Variants in KHDRBS2 observed in about 807,000 individuals in gnomAD.
KHDRBS2 encodes KH domain-containing, RNA-binding, signal transduction-associated protein 2.
A neutral mutation model predicts 44.3 loss-of-function variants in KHDRBS2; 26 were observed. The ratio of observed to expected loss-of-function variants is 0.59; its 90% CI spans 0.43 to 0.81. The LOEUF (loss-of-function observed/expected upper bound fraction) is 0.81, where lower values mean the gene tolerates loss of function less well. KHDRBS2 is among the 40% of genes least tolerant of loss of function. KHDRBS2 has a pLI of 0.00. For synonymous variants in KHDRBS2, 194 were observed against 151.1 expected (o/e 1.28, Z -2.08); for missense variants, 476 against 433.1 (o/e 1.10, Z -0.88).
At chr6:61,845,879 C>A (rs1794338951) in intron 6 of KHDRBS2, among the ~76,000 whole-genome samples, 1 of 152,162 alleles carries the variant, frequency 6.6e-6, no homozygotes, top group Non-Finnish European at 1.5e-5. Context: ...CAAATCTCAT[C>A]CTGAATGTTG....
intron 6 of KHDRBS2, among the ~76,000 whole-genome samples, chr6:61,748,993 TTTTC>T (rs1241469099): frequency 1.9e-4 from 28 of 148,264 alleles, no homozygotes; most frequent in South Asian, 6.3e-4. Context: ...TTTCTTTTTC[TTTTC>T]TTTCTTTCTT....
intron 2 of KHDRBS2, among the ~76,000 whole-genome samples, chr6:62,072,814 T>C (rs558259462): frequency 5.9e-5 from 9 of 152,124 alleles, no homozygotes; most frequent in Non-Finnish European, 1.0e-4. Flanking sequence ...TTTTTTGTTA[T>C]GTCTCTGCCA....
chr6:62,041,490 G>T (rs1254586252), intron 3 of KHDRBS2, among the ~76,000 whole-genome samples: 1 of 151,912 alleles, frequency 6.6e-6, no homozygotes, highest in Non-Finnish European at 1.5e-5. Flanking sequence ...TTTTTTAATA[G>T]CTTAGTAAAC....
chr6:62,110,519 G>T (rs1289039441), intron 2 of KHDRBS2, among the ~76,000 whole-genome samples: 1 of 152,034 alleles, frequency 6.6e-6, no homozygotes, highest in Non-Finnish European at 1.5e-5. Flanking sequence ...ATAAAAAGAA[G>T]TGACCTATTT....
intron 2 of KHDRBS2, among the ~76,000 whole-genome samples, chr6:62,062,518 C>T (rs1489652571): frequency 1.3e-5 from 2 of 151,940 alleles, no homozygotes; most frequent in African/African-American, 4.8e-5. Context: ...CAACCTGCTC[C>T]TGAATGACTA....
intron 2 of KHDRBS2, among the ~76,000 whole-genome samples, chr6:62,136,382 C>T (rs1379676744): frequency 2.6e-5 from 4 of 152,088 alleles, no homozygotes; most frequent in East Asian, 1.9e-4. Flanking sequence ...TAGCTGAACA[C>T]GAGGCAGTTT....
intron 6 of KHDRBS2, among the ~76,000 whole-genome samples, chr6:61,825,145 GAATA>G: frequency 6.6e-6 from 1 of 152,046 alleles, no homozygotes; most frequent in African/African-American, 2.4e-5. Flanking sequence ...TGTAGAAAAA[GAATA>G]TATAGTCTGA....
chr6:61,704,404 A>G (rs1561994619), intron 7 of KHDRBS2, among the ~76,000 whole-genome samples: 3 of 151,876 alleles, frequency 2.0e-5, no homozygotes, highest in African/African-American at 7.2e-5. Flanking sequence ...ATAAGTAGGA[A>G]TTTCCTGGGT....
At chr6:62,063,527 A>G (rs981602559) in intron 2 of KHDRBS2, among the ~76,000 whole-genome samples, 2 of 151,530 alleles carry the variant, frequency 1.3e-5, no homozygotes, top group East Asian at 3.9e-4. Context: ...ACAGACAAAA[A>G]CCACATGATT....
intron 3 of KHDRBS2, among the ~76,000 whole-genome samples, chr6:62,016,791 A>C (rs1203948543): frequency 6.6e-6 from 1 of 151,972 alleles, no homozygotes; most frequent in African/African-American, 2.4e-5. Flanking sequence ...GGTCATAAAC[A>C]GTGGCCATAA....
At position 61,805,271 on chromosome 6, in the gene KHDRBS2, C is replaced by T. The variant is rs77910438; in HGVS notation, c.811-72507G>A. On this transcript the variant is annotated intron_variant, in intron 6 of 8. Coordinates refer to ENST00000281156, the MANE Select transcript of KHDRBS2 (RefSeq NM_152688.4). The stretch of plus-strand genomic sequence containing the variant: ...TTCTGCTAAAGCATAGCTAGAATCA[C>T]GTTTATTCCAGTCCCCAAGTTCCTC... 8.4e-3 allele frequency among the ~76,000 whole-genome samples: 1,283 copies of T among 152,202 alleles called. 19 individuals carry two copies. The highest frequency in any genetic ancestry group is 0.029 in the African/African-American group (1,192 of 41,538).
At chr6:61,668,050 TA>T in the KHDRBS2 span, among the ~76,000 whole-genome samples, 2 of 151,014 alleles carry the variant, frequency 1.3e-5, no homozygotes, top group East Asian at 2.0e-4. Flanking sequence ...ATATAACAAA[TA>T]AAAAATGCAT....
At chr6:61,960,046 T>C (rs1847231) in intron 4 of KHDRBS2, among the ~76,000 whole-genome samples, 132,361 of 152,142 alleles carry the variant, frequency 0.87, 58,066 homozygotes, top group African/African-American at 0.97. Context: ...AGAATTTGTG[T>C]TTAATATCTT....
the KHDRBS2 span, among the ~76,000 whole-genome samples, chr6:61,554,106 G>C: frequency 5.9e-5 from 9 of 152,110 alleles, no homozygotes; most frequent in Non-Finnish European, 7.4e-5. Flanking sequence ...GGGTGTTAAA[G>C]TCTTCCAATA....
intron 3 of KHDRBS2, among the ~76,000 whole-genome samples, chr6:62,013,005 G>T (rs538395898): frequency 3.6e-4 from 55 of 152,326 alleles, no homozygotes; most frequent in African/African-American, 1.3e-3. Flanking sequence ...GGGAACTGCA[G>T]TGACACTGAG....
chr6:61,977,399 T>C lies in KHDRBS2; in HGVS notation c.483+667A>G, dbSNP rs182881792. On this transcript the variant is annotated intron_variant, in intron 4 of 8. Transcript: ENST00000281156. Reference sequence around the variant, plus strand: ...GCTTCATTCATTTAACCTTCCTCTATTTCTTAGAAAATCAGTAGAGAATTC... The same window carrying C: ...GCTTCATTCATTTAACCTTCCTCTACTTCTTAGAAAATCAGTAGAGAATTC... Among the ~76,000 whole-genome samples, 487 of 152,294 alleles carry C rather than the reference T, an allele frequency of 3.2e-3. 4 individuals carry two copies. The highest frequency in any genetic ancestry group is 0.011 in the African/African-American group (459 of 41,586).
At chr6:61,642,425 G>A in the KHDRBS2 span, among the ~76,000 whole-genome samples, 1 of 151,582 alleles carries the variant, frequency 6.6e-6, no homozygotes, top group Admixed American at 6.6e-5. Flanking sequence ...GGAGTCCAAG[G>A]CAGGCGGATT....
chr6:61,692,212 T>A (rs1164095180), intron 8 of KHDRBS2, among the ~76,000 whole-genome samples: 1 of 152,086 alleles, frequency 6.6e-6, no homozygotes, highest in Non-Finnish European at 1.5e-5. Flanking sequence ...TTATAGTGAT[T>A]CTGATAAATT....
chr6:62,108,595 G>A (rs1345371934), intron 2 of KHDRBS2, among the ~76,000 whole-genome samples: 1 of 152,128 alleles, frequency 6.6e-6, no homozygotes, highest in Non-Finnish European at 1.5e-5. Flanking sequence ...TCCCATTACT[G>A]GGTATATACC....
Sources: allele counts gnomAD v4.1 joint callset (sites outside exome capture counted in the v4.1 genomes callset), GRCh38; gene constraint gnomAD v4.1.1; transcripts MANE v1.5; gene names NCBI Gene and HGNC (gene_info 2026-07-23, HGNC 2026-07-21).